The following ENOX1 variants were observed in gnomAD, a reference collection of about 807,000 sequenced individuals.
ENOX1 encodes ecto-NOX disulfide-thiol exchanger 1.
ENOX1 carries 42 observed loss-of-function variants against 82.5 expected under a neutral mutation model. That is an observed-to-expected ratio of 0.51 (90% CI 0.40 to 0.66). The LOEUF is 0.66. Among genes scored for constraint, ENOX1 ranks in the 30% least tolerant of loss-of-function variants. The probability of loss-of-function intolerance (pLI) is 0.00; values close to 1 mark genes in which losing one functional copy is unlikely to be tolerated. For missense variants in ENOX1, 608 were observed against 811.6 expected, an observed-to-expected ratio of 0.75 and a Z score of 3.05; for synonymous variants, 271 against 282.2, an observed-to-expected ratio of 0.96 and a Z score of 0.40.
chr13:43,513,570 T>G (rs1256913215), intron 2 of ENOX1, among the ~76,000 whole-genome samples: 1 of 152,134 alleles, frequency 6.6e-6, no homozygotes, highest in African/African-American at 2.4e-5. Flanking sequence ...TAACACAGAC[T>G]TCTCCTTGTA....
intron 2 of ENOX1, among the ~76,000 whole-genome samples, chr13:43,536,504 A>T (rs894227003): frequency 4.6e-5 from 7 of 152,176 alleles, no homozygotes; most frequent in Non-Finnish European, 1.0e-4. Flanking sequence ...CCATAAAAGG[A>T]CACAAGATAA....
At chr13:43,653,419 T>C (rs920927178) in intron 2 of ENOX1, among the ~76,000 whole-genome samples, 1 of 152,188 alleles carries the variant, frequency 6.6e-6, no homozygotes, top group Non-Finnish European at 1.5e-5. Context: ...CTAAAGATAC[T>C]ACAAACAAAC....
chr13:43,488,416 A>G (rs982110566), intron 2 of ENOX1, among the ~76,000 whole-genome samples: 3 of 152,188 alleles, frequency 2.0e-5, no homozygotes, highest in African/African-American at 7.2e-5. Context: ...TGGTGCTTTA[A>G]TCTTGAACTT....
At chr13:43,295,554 T>C (rs2046241403) in intron 12 of ENOX1, among the ~76,000 whole-genome samples, 1 of 152,242 alleles carries the variant, frequency 6.6e-6, no homozygotes, top group Non-Finnish European at 1.5e-5. Flanking sequence ...CCAAAAGCTG[T>C]CTGCTAGTCC....
chr13:43,633,247 A>G (rs922929135), intron 2 of ENOX1, among the ~76,000 whole-genome samples: 2 of 152,192 alleles, frequency 1.3e-5, no homozygotes, highest in African/African-American at 4.8e-5. Flanking sequence ...ATAATGTTCA[A>G]TGTTGATATA....
At chr13:43,495,638 G>T (rs1221267760) in intron 2 of ENOX1, among the ~76,000 whole-genome samples, 1 of 126,968 alleles carries the variant, frequency 7.9e-6, no homozygotes, top group African/African-American at 2.7e-5. Context: ...AATAAACAAA[G>T]CTATTACAAA....
At chr13:43,738,082 G>A (rs895795496) in intron 1 of ENOX1, among the ~76,000 whole-genome samples, 1 of 152,156 alleles carries the variant, frequency 6.6e-6, no homozygotes, top group Non-Finnish European at 1.5e-5. Context: ...GTATGAAAAT[G>A]TTATTAATTA....
chr13:43,276,497 T>C (rs182468347), intron 12 of ENOX1, among the ~76,000 whole-genome samples: 3 of 152,260 alleles, frequency 2.0e-5, no homozygotes, highest in Non-Finnish European at 4.4e-5. Flanking sequence ...GCTTACTGTG[T>C]CTTCAGGTCT....
At chr13:43,753,483 C>G (rs1950428658) in intron 1 of ENOX1, among the ~76,000 whole-genome samples, 1 of 152,052 alleles carries the variant, frequency 6.6e-6, no homozygotes, top group Non-Finnish European at 1.5e-5. Flanking sequence ...TATAGTAACA[C>G]AATTGATTTT....
At chr13:43,271,351 G>A (rs2044670810) in intron 12 of ENOX1, among the ~76,000 whole-genome samples, 1 of 152,108 alleles carries the variant, frequency 6.6e-6, no homozygotes, top group African/African-American at 2.4e-5. Context: ...AAAAAGCACT[G>A]CTCAGCAAAA....
At chr13:43,657,642 G>A (rs532492722) in intron 2 of ENOX1, among the ~76,000 whole-genome samples, 2 of 152,224 alleles carry the variant, frequency 1.3e-5, no homozygotes, top group Non-Finnish European at 2.9e-5. Flanking sequence ...AGAAGGCACA[G>A]CTGGTTGAAA....
chr13:43,470,645 A>G (rs376007011), intron 3 of ENOX1, among the ~76,000 whole-genome samples: 2 of 151,692 alleles, frequency 1.3e-5, no homozygotes, highest in African/African-American at 4.8e-5. Flanking sequence ...TATGGCTCAT[A>G]CATATAAAGA....
intron 14 of ENOX1, among the ~76,000 whole-genome samples, chr13:43,244,437 G>A (rs1311944634): frequency 6.6e-6 from 1 of 152,058 alleles, no homozygotes; most frequent in Admixed American, 6.6e-5. Flanking sequence ...AAATATTTAT[G>A]CAAAAATAAC....
At chr13:43,483,383 T>C (rs1299652703) in intron 3 of ENOX1, among the ~76,000 whole-genome samples, 1 of 152,220 alleles carries the variant, frequency 6.6e-6, no homozygotes, top group African/African-American at 2.4e-5. Context: ...CAAAATGAAA[T>C]GCTTGCTCTA....
intron 16 of ENOX1, 152 bp from the exon 17 acceptor site, chr13:43,214,273 A>C (rs1448464983): frequency 1.2e-6 from 1 of 810,410 alleles, no homozygotes; most frequent in Non-Finnish European, 1.9e-6. Context: ...GAACATTCAG[A>C]AGTACTGAAT....
chr13:43,709,572 T>C (rs1309598047), intron 1 of ENOX1, among the ~76,000 whole-genome samples: 1 of 150,830 alleles, frequency 6.6e-6, no homozygotes, highest in Non-Finnish European at 1.5e-5. Context: ...GTGAAAAACA[T>C]TCATGAAGGA....
At chr13:43,509,933 A>G (rs2077303306) in intron 2 of ENOX1, among the ~76,000 whole-genome samples, 1 of 151,976 alleles carries the variant, frequency 6.6e-6, no homozygotes, top group Non-Finnish European at 1.5e-5. Flanking sequence ...CTATGTTCTC[A>G]GTGTTGGACA....
chr13:43,342,199 T>C (rs2049105302), intron 9 of ENOX1, among the ~76,000 whole-genome samples: 1 of 152,156 alleles, frequency 6.6e-6, no homozygotes, highest in African/African-American at 2.4e-5. Context: ...AATTTTCTGT[T>C]ACTCACATGT....
At chr13:43,398,794 TTTC>T (rs1462580731) in intron 5 of ENOX1, among the ~76,000 whole-genome samples, 2 of 138,608 alleles carry the variant, frequency 1.4e-5, no homozygotes, top group South Asian at 2.4e-4. Context: ...TCCCTTATCA[TTTC>T]TTCTTCTTTT....
Sources: allele counts gnomAD v4.1 joint callset (sites outside exome capture counted in the v4.1 genomes callset), GRCh38; gene constraint gnomAD v4.1.1; transcripts MANE v1.5; gene names NCBI Gene and HGNC (gene_info 2026-07-23, HGNC 2026-07-21).